Variants in DCAF10 observed in about 807,000 individuals in gnomAD.
The protein encoded by DCAF10 is DDB1 and CUL4 associated factor 10, also known as DDB1- and CUL4-associated factor 10.
In DCAF10, 19 loss-of-function variants were observed where a neutral mutation model predicts 51.9. The ratio of observed to expected loss-of-function variants is 0.37; its 90% CI spans 0.26 to 0.54. The LOEUF is 0.54. Ranked by LOEUF, DCAF10 falls within the 20% of genes least tolerant of loss-of-function variation. The pLI, the probability that DCAF10 is intolerant of heterozygous loss-of-function variation, is 0.87. For missense variants in DCAF10, 510 were observed against 730.6 expected (o/e 0.70, Z 3.48); for synonymous variants, 291 against 297.1 (o/e 0.98, Z 0.21).
At chr9:37,808,205 A>C (rs1829182080) in intron 1 of DCAF10, among the ~76,000 whole-genome samples, 1 of 151,770 alleles carries the variant, frequency 6.6e-6, no homozygotes, top group Non-Finnish European at 1.5e-5. Flanking sequence ...AGGCTGAGGC[A>C]GGTGGATCAC....
intron 2 of DCAF10, among the ~76,000 whole-genome samples, chr9:37,838,759 C>T (rs1018566287): frequency 2.0e-5 from 3 of 151,584 alleles, no homozygotes; most frequent in Non-Finnish European, 4.4e-5. Flanking sequence ...GGCATCGCAG[C>T]GGGCACCTGT....
intron 2 of DCAF10, among the ~76,000 whole-genome samples, chr9:37,827,683 G>A (rs568115183): frequency 1.2e-3 from 188 of 152,302 alleles, no homozygotes; most frequent in African/African-American, 4.4e-3. Context: ...TGGTGACCTT[G>A]AGCTTCTGTT....
At chr9:37,824,022 A>G (rs1829782718) in intron 2 of DCAF10, among the ~76,000 whole-genome samples, 1 of 151,954 alleles carries the variant, frequency 6.6e-6, no homozygotes, top group African/African-American at 2.4e-5. Flanking sequence ...CTGGGATTAC[A>G]GGCATGTGCC....
At position 37,862,122 on chromosome 9, in the gene DCAF10, T is replaced by C. The variant is rs1289650422; in HGVS notation, c.*614T>C. 1 of 152,674 alleles carries C rather than the reference T, an allele frequency of 6.5e-6. No homozygotes were observed. The highest frequency in any genetic ancestry group is 6.5e-5 in the Admixed American group (1 of 15,282). 9.5% of individuals were successfully genotyped at this position (152,674 alleles called of 1,614,324 possible). A position where few individuals can be genotyped will look rare whatever the true frequency, so the allele number is the denominator to read the frequency against. Reference sequence around the variant, plus strand: ...AACAAAATGTCTTTTAAGTTTCCTGTTAAAATTATAAAAAGATTTTCATGG... The same window carrying C: ...AACAAAATGTCTTTTAAGTTTCCTGCTAAAATTATAAAAAGATTTTCATGG... On this transcript the variant is annotated 3_prime_UTR_variant, in exon 7 of 7. Transcript: ENST00000377724.
Position 37,801,382 on chromosome 9 carries a change from CAACCT to C in DCAF10, c.517_521del (p.Asn173ArgfsTer14). ...GCACCCGCACCCACGGCGCCGTCTT[CAACCT>C]CGAGTACTCGCCCGACGGGTAAGCG... On this transcript the variant is annotated frameshift_variant, in exon 1 of 7. Coordinates refer to ENST00000377724, the MANE Select transcript of DCAF10 (RefSeq NM_024345.5). LOFTEE classifies it high-confidence loss of function. This position sits in a 1 kb window ranked among gnomAD's most constrained non-coding sequence, Gnocchi z 5.5. 1 of 1,536,454 alleles carries C rather than the reference CAACCT, an allele frequency of 6.5e-7. No individual in the cohort carries two copies. The highest frequency in any genetic ancestry group is 8.8e-7 in the Non-Finnish European group (1 of 1,141,962).
chr9:37,819,223 A>G, intron 1 of DCAF10, 65 bp from the exon 2 acceptor site: 1 of 1,266,166 alleles, frequency 7.9e-7, no homozygotes, highest in Non-Finnish European at 1.1e-6. Flanking sequence ...ATTATAAATA[A>G]GTGAACATCA....
chr9:37,800,914 A>G lies in DCAF10; in HGVS notation c.48A>G (p.Gly16=). Residue 16 remains glycine, a synonymous_variant, in exon 1 of 7, where the codon GGA becomes GGG. Transcript: ENST00000377724. ...PHSPGGDGSA[G]AGAEEPTPHE... Reference sequence around the variant, plus strand: ...GCCCTGGAGGGGACGGATCGGCCGGAGCCGGGGCTGAGGAGCCGACGCCCC... The same window carrying G: ...GCCCTGGAGGGGACGGATCGGCCGGGGCCGGGGCTGAGGAGCCGACGCCCC... The G allele has an allele frequency of 6.7e-7, 1 of 1,495,754 alleles. No individual in the cohort carries two copies. Among genetic ancestry groups the G allele is most frequent in the South Asian group, 1.3e-5 (1 of 77,770 alleles). 92.7% of individuals were successfully genotyped at this position (1,495,754 alleles called of 1,614,324 possible).
intron 4 of DCAF10, among the ~76,000 whole-genome samples, chr9:37,855,584 A>G (rs969914333): frequency 3.3e-5 from 5 of 152,248 alleles, no homozygotes; most frequent in Admixed American, 1.3e-4. Context: ...ACTATATTTC[A>G]TCTACCTTTG....
chr9:37,829,081 T>C lies in DCAF10; in HGVS notation c.653+9680T>C, dbSNP rs1829935555. Among the ~76,000 whole-genome samples, 1 of 152,206 alleles carries C rather than the reference T, an allele frequency of 6.6e-6. No homozygotes were observed. The highest frequency in any genetic ancestry group is 1.9e-4 in the East Asian group (1 of 5,196). Reference sequence around the variant, plus strand: ...AGTTGGTGGGAGAAGGTATTTTCAATGTACATAACCAGAAAAGTATTAGTA... The same window carrying C: ...AGTTGGTGGGAGAAGGTATTTTCAACGTACATAACCAGAAAAGTATTAGTA... On this transcript the variant is annotated intron_variant, in intron 2 of 6. Transcript: ENST00000377724. The surrounding 1 kb of genome is among the most constrained non-coding windows in gnomAD (Gnocchi z 4.2).
At chr9:37,860,524 C>G (rs1830984179) in intron 6 of DCAF10, 1 of 225,452 alleles carries the variant, frequency 4.4e-6, no homozygotes, top group Non-Finnish European at 8.7e-6. Flanking sequence ...AACAAAAACC[C>G]CTTGTATAAT....
rs1047885766 is a variant in DCAF10 at position 37,807,574 on chromosome 9, A to C, written c.539+6169A>C. On this transcript the variant is annotated intron_variant, in intron 1 of 6. Coordinates refer to ENST00000377724, the MANE Select transcript of DCAF10 (RefSeq NM_024345.5). ...TTATCACCTGGTGAGCATTTTTATA[A>C]TCTATATAGGTTAATTTATTTAGAA... 3.3e-5 allele frequency among the ~76,000 whole-genome samples: 5 copies of C among 151,774 alleles called. No individual in the cohort carries two copies. In the East Asian group the frequency reaches 5.8e-4, roughly 18 times the overall value.
rs184366769 is a variant in DCAF10, at chr9:37,848,874, G to A, written c.852-5906G>A. On this transcript the variant is annotated intron_variant, in intron 3 of 6. Transcript: ENST00000377724. ...TGTAATCCCAGCTACTCAGGAGGCT[G>A]AGGCAGGAGAATTGCTTGAGTCCAG... 3.6e-3 allele frequency among the ~76,000 whole-genome samples: 551 copies of A among 151,708 alleles called. 4 individuals are homozygous for A. The highest frequency in any genetic ancestry group is 0.013 in the African/African-American group (533 of 41,330).
chr9:37,805,429 A>G (rs1030765393), intron 1 of DCAF10, among the ~76,000 whole-genome samples: 2 of 152,218 alleles, frequency 1.3e-5, no homozygotes, highest in African/African-American at 2.4e-5. Flanking sequence ...GGTTGCAGTG[A>G]GCGGAGATCA....
intron 3 of DCAF10, among the ~76,000 whole-genome samples, chr9:37,850,881 T>TATATATATATATATATATATATATAA (rs1554689977): frequency 9.6e-6 from 1 of 103,944 alleles, no homozygotes; most frequent in East Asian, 3.4e-4. Context: ...TATATATATA[T>TATATATATATATATATATATATATAA]AAATTAGCTT....
At chr9:37,834,794 C>CTTTTTTTTTTTTT (rs372584446) in intron 2 of DCAF10, among the ~76,000 whole-genome samples, 1 of 144,220 alleles carries the variant, frequency 6.9e-6, no homozygotes, top group African/African-American at 2.6e-5. Context: ...CAATCACGTA[C>CTTTTTTTTTTTTT]TTTTTTTTTT....
At chr9:37,807,899 T>A (rs1254485698) in intron 1 of DCAF10, among the ~76,000 whole-genome samples, 1 of 152,060 alleles carries the variant, frequency 6.6e-6, no homozygotes, top group African/African-American at 2.4e-5. Flanking sequence ...TGACCTCAGG[T>A]GATCCACCCA....
intron 2 of DCAF10, among the ~76,000 whole-genome samples, chr9:37,838,024 A>T (rs1830223772): frequency 6.6e-6 from 1 of 152,130 alleles, no homozygotes; most frequent in African/African-American, 2.4e-5. Flanking sequence ...CCCTGTCTCA[A>T]GAAAAAAAAA....
chr9:37,818,591 C>T (rs916600223), intron 1 of DCAF10, among the ~76,000 whole-genome samples: 1 of 152,050 alleles, frequency 6.6e-6, no homozygotes, highest in Non-Finnish European at 1.5e-5. Flanking sequence ...AAACAAGAGA[C>T]AAACCTAAAA....
intron 1 of DCAF10, among the ~76,000 whole-genome samples, chr9:37,809,606 G>T (rs1051857885): frequency 2.0e-5 from 3 of 152,206 alleles, no homozygotes; most frequent in Admixed American, 2.0e-4. Flanking sequence ...GGCCGAGGCG[G>T]GTGGATCACC....
Sources: gnomAD v4.1 joint callset for allele counts (sites outside exome capture counted in the v4.1 genomes callset) on GRCh38, gnomAD v4.1.1 for gene constraint, Gnocchi (gnomAD v3.1) non-coding constraint, MANE v1.5 for transcripts, NCBI Gene and HGNC (gene_info 2026-07-23, HGNC 2026-07-21) for gene names.